Variants in MACF1 observed in about 807,000 individuals in gnomAD.
The protein encoded by MACF1 is microtubule-actin cross-linking factor 1.
A neutral mutation model predicts 854.8 loss-of-function variants in MACF1; 193 were observed. The ratio of observed to expected loss-of-function variants is 0.23; its 90% CI spans 0.20 to 0.25. The LOEUF is 0.25. MACF1 is among the 10% of genes least tolerant of loss of function. The pLI, the probability that MACF1 is intolerant of heterozygous loss-of-function variation, is 1.00. For synonymous variants in MACF1, 3,185 were observed against 3,226.7 expected (o/e 0.99, Z 0.44); for missense variants, 7,722 against 8,929.1 (o/e 0.86, Z 5.45).
chr1:39,466,376 T>G (rs559165616), intron 95 of MACF1, among the ~76,000 whole-genome samples: 55 of 152,330 alleles, frequency 3.6e-4, no homozygotes, highest in Non-Finnish European at 5.9e-4. Flanking sequence ...TCAAACCTCC[T>G]TTCCCCCATA....
chr1:39,481,583 T>C (rs1570242431), intron 99 of MACF1, among the ~76,000 whole-genome samples: 2 of 152,216 alleles, frequency 1.3e-5, no homozygotes, highest in Admixed American at 6.5e-5. Context: ...CATTCTAGCT[T>C]CTGAATTTCT....
chr1:39,179,909 C>T (rs763376763), intron 2 of MACF1, among the ~76,000 whole-genome samples: 13 of 151,610 alleles, frequency 8.6e-5, no homozygotes, highest in African/African-American at 2.4e-4. Context: ...CAGCTACTCA[C>T]GAGGCTGAGG....
chr1:39,308,338 T>C (rs1386041070), intron 23 of MACF1, among the ~76,000 whole-genome samples: 1 of 152,170 alleles, frequency 6.6e-6, no homozygotes, highest in Non-Finnish European at 1.5e-5. Context: ...TGCTTTTTTA[T>C]ATTTTTATTC....
rs541760430 is a variant in MACF1 at position 39,143,881 on chromosome 1, TCTCCTGCCTCAGC to T, written c.220+59460_220+59472del. On this transcript the variant is annotated intron_variant, in intron 2 of 93. Transcript: ENST00000361689. ...GCTCCGCCTCCTGGGTTCACACCAT[TCTCCTGCCTCAGC>T]CTCCTGCCTCAGCCTCTGGAGTAGC... Among the ~76,000 whole-genome samples, 251 of 152,030 alleles carry T rather than the reference TCTCCTGCCTCAGC, an allele frequency of 1.7e-3. 10 individuals carry two copies. The South Asian group carries it at 0.049, about 30-fold the overall frequency.
intron 96 of MACF1, 62 bp downstream of exon 96, chr1:39,468,794 G>A: frequency 7.0e-7 from 1 of 1,427,048 alleles, no homozygotes; most frequent in African/African-American, 1.4e-5. Flanking sequence ...GATCTTTTAT[G>A]CTTACAGGAA....
intron 97 of MACF1, among the ~76,000 whole-genome samples, chr1:39,479,270 C>A (rs1033004790): frequency 1.3e-5 from 2 of 152,162 alleles, no homozygotes; most frequent in Admixed American, 1.3e-4. Flanking sequence ...ATGATTCTCT[C>A]CTGATCTTTT....
intron 80 of MACF1, among the ~76,000 whole-genome samples, chr1:39,446,687 G>A (rs1335633821): frequency 6.6e-6 from 1 of 152,118 alleles, no homozygotes; most frequent in Admixed American, 6.5e-5. Flanking sequence ...GCCTAGTAGG[G>A]GGGCCAGAGG....
intron 57 of MACF1, 111 bp from the exon 58 acceptor site, chr1:39,387,076 C>T: frequency 8.2e-7 from 1 of 1,224,426 alleles, no homozygotes; most frequent in Non-Finnish European, 1.1e-6. Flanking sequence ...TTGGTAGGCC[C>T]TCAAGTAACA....
In MACF1 at chr1:39,284,444, C is replaced by A; in HGVS notation, c.1131+16C>A. On this transcript the variant is annotated intron_variant, in intron 11 of 100. Transcript: ENST00000564288. Reference sequence around the variant, plus strand: ...ATTACTAGAGGTAAGTGAGCTTATCCTTTGCTGAGACTTGGGGTTTGCTGG... The same window carrying A: ...ATTACTAGAGGTAAGTGAGCTTATCATTTGCTGAGACTTGGGGTTTGCTGG... The A allele has an allele frequency of 6.5e-7, 1 of 1,532,118 alleles. No homozygotes were observed. 94.9% of individuals were successfully genotyped at this position (1,532,118 alleles called of 1,614,324 possible). A position where few individuals can be genotyped will look rare whatever the true frequency, so the allele number is the denominator to read the frequency against.
intron 2 of MACF1, among the ~76,000 whole-genome samples, chr1:39,122,412 C>T (rs769675205): frequency 1.7e-4 from 26 of 151,968 alleles, no homozygotes; most frequent in Admixed American, 6.6e-5. Flanking sequence ...CACCATCATG[C>T]CTGGCTAATT....
At chr1:39,366,884 TC>T (rs1418333046) in intron 49 of MACF1, among the ~76,000 whole-genome samples, 1 of 150,824 alleles carries the variant, frequency 6.6e-6, no homozygotes, top group African/African-American at 2.4e-5. Flanking sequence ...ACTCAAGTGA[TC>T]CTCCTGCCTC....
chr1:39,123,368 C>T (rs1371793151), intron 2 of MACF1, among the ~76,000 whole-genome samples: 4 of 151,434 alleles, frequency 2.6e-5, no homozygotes, highest in African/African-American at 4.8e-5. Flanking sequence ...CCATCACACC[C>T]GGCTAATTTT....
At chr1:39,402,066 G>A (rs573259420) in intron 58 of MACF1, among the ~76,000 whole-genome samples, 2 of 147,112 alleles carry the variant, frequency 1.4e-5, no homozygotes, top group Non-Finnish European at 3.1e-5. Flanking sequence ...ACAAAAATTA[G>A]CCAGGCTTGG....
intron 50 of MACF1, 68 bp from the exon 51 acceptor site, chr1:39,369,962 A>AC: frequency 2.8e-6 from 4 of 1,419,950 alleles, no homozygotes; most frequent in Non-Finnish European, 3.9e-6. Context: ...CACAGAATGA[A>AC]CTACTCTTAG....
In MACF1 at chr1:39,283,702, A is replaced by G. The variant is rs376768775; in HGVS notation, c.915+187A>G. Among the ~76,000 whole-genome samples the G allele has an allele frequency of 6.6e-6, 1 of 152,228 alleles. No homozygotes were observed. Among genetic ancestry groups the G allele is most frequent in the East Asian group, 1.9e-4 (1 of 5,204 alleles). Reference sequence around the variant, plus strand: ...TCTAGATATTGCTAATTTTGTAACAATTAGCATAGACTATTTGGTGCTAAA... The same window carrying G: ...TCTAGATATTGCTAATTTTGTAACAGTTAGCATAGACTATTTGGTGCTAAA... On this transcript the variant is annotated intron_variant, in intron 9 of 100. Transcript: ENST00000564288. This position sits in a 1 kb window ranked among gnomAD's most constrained non-coding sequence, Gnocchi z 4.5.
chr1:39,096,922 G>A (rs1011764800), intron 2 of MACF1, among the ~76,000 whole-genome samples: 6 of 133,124 alleles, frequency 4.5e-5, no homozygotes, highest in South Asian at 4.8e-4. Context: ...TGTCACCCAC[G>A]CTGGAGTGCA....
Position 39,268,459 on chromosome 1 carries a change from A to G in MACF1, c.528+10431A>G, listed in dbSNP as rs531289673. 10 of 1,104,164 alleles carry G rather than the reference A, an allele frequency of 9.1e-6. No individual in the cohort carries two copies. The African/African-American group carries it at 1.3e-4, about 15-fold the overall frequency. The allele number at this position is 1,104,164 out of a possible 1,614,324, so 68.4% of individuals were successfully genotyped here. ...TTAGGTCAAGTGATTTCTGAACTGC[A>G]GTGAGATGCTTTGAATTTGTCTTGT... On this transcript the variant is annotated intron_variant, in intron 6 of 100. Transcript: ENST00000564288.
chr1:39,292,615 T>C (rs1286432075), intron 16 of MACF1, 151 bp from the exon 17 acceptor site: 30 of 604,326 alleles, frequency 5.0e-5, no homozygotes, highest in Non-Finnish European at 8.0e-5. Flanking sequence ...TTATAAAATA[T>C]GACTCAGAAA....
chr1:39,136,460 G>A (rs1643170781), intron 2 of MACF1, among the ~76,000 whole-genome samples: 1 of 152,176 alleles, frequency 6.6e-6, no homozygotes, highest in African/African-American at 2.4e-5. Flanking sequence ...TGTTTATAGG[G>A]TGGAAGGCGT....
Sources: gnomAD v4.1 joint callset for allele counts (sites outside exome capture counted in the v4.1 genomes callset) on GRCh38, gnomAD v4.1.1 for gene constraint, Gnocchi (gnomAD v3.1) non-coding constraint, MANE v1.5 for transcripts, NCBI Gene and HGNC (gene_info 2026-07-23, HGNC 2026-07-21) for gene names.